The following RMND1 variants were observed in gnomAD, a reference collection of about 807,000 sequenced individuals.
The protein encoded by RMND1 is required for meiotic nuclear division protein 1 homolog.
RMND1 carries 41 observed loss-of-function variants against 54.0 expected under a neutral mutation model. The ratio of observed to expected loss-of-function variants is 0.76; its 90% CI spans 0.59 to 0.98. RMND1 has a LOEUF of 0.98. Among genes scored for constraint, RMND1 ranks in the 50% least tolerant of loss-of-function variants. The pLI is 0.00. For missense variants in RMND1, 457 were observed against 532.0 expected (o/e 0.86, Z 1.39); for synonymous variants, 183 against 181.7 (o/e 1.01, Z -0.06).
intron 10 of RMND1, chr6:151,408,960 G>T (rs1295810659): frequency 6.6e-6 from 1 of 152,298 alleles, no homozygotes; most frequent in African/African-American, 2.4e-5. Context: ...AGCATGTCAT[G>T]CTAGAATATC....
chr6:151,450,672 T>C (rs931403914), intron 1 of RMND1, among the ~76,000 whole-genome samples: 1 of 150,002 alleles, frequency 6.7e-6, no homozygotes, highest in Non-Finnish European at 1.5e-5. Flanking sequence ...GGAGCCCCTC[T>C]GCCCGGCCAC....
rs145435976 is a variant in RMND1, at chr6:151,423,707, T to C, written c.831-76A>G. 1.5e-4 allele frequency: 149 copies of C among 979,554 alleles called. No homozygotes were observed. In the African/African-American group the frequency reaches 2.2e-3, roughly 14 times the overall value. 60.7% of individuals were successfully genotyped at this position (979,554 alleles called of 1,614,324 possible). On this transcript the variant is annotated intron_variant, in intron 6 of 11. Transcript: ENST00000444024. ...CTTTTCCTTTGAAAAAGACACCATATCATCTTTCTGGAGGTCATTTTGACA... is the reference window on the plus strand; with the variant it reads ...CTTTTCCTTTGAAAAAGACACCATACCATCTTTCTGGAGGTCATTTTGACA...
At chr6:151,407,758 A>T (rs1779676198) in intron 10 of RMND1, among the ~76,000 whole-genome samples, 2 of 152,008 alleles carry the variant, frequency 1.3e-5, no homozygotes, top group African/African-American at 2.4e-5. Context: ...ATACAAAAAA[A>T]TTATCCGGGT....
intron 10 of RMND1, among the ~76,000 whole-genome samples, chr6:151,413,241 A>T (rs1381114226): frequency 6.6e-6 from 1 of 152,188 alleles, no homozygotes; most frequent in Non-Finnish European, 1.5e-5. Context: ...CTTAAATAGT[A>T]AGTGGTGTTT....
At chr6:151,424,230 G>A (rs1780230971) in intron 6 of RMND1, among the ~76,000 whole-genome samples, 2 of 152,052 alleles carry the variant, frequency 1.3e-5, no homozygotes, top group African/African-American at 4.8e-5. Flanking sequence ...GGAGGCCGAG[G>A]CAGGTGGATC....
chr6:151,417,417 A>T lies in RMND1; in HGVS notation c.1080-18T>A. 6.6e-7 allele frequency: 1 copy of T among 1,519,880 alleles called. No individual in the cohort carries two copies. Among genetic ancestry groups the T allele is most frequent in the Non-Finnish European group, 9.0e-7 (1 of 1,116,536 alleles). The allele number at this position is 1,519,880 out of a possible 1,614,324, so 94.1% of individuals were successfully genotyped here. A position where few individuals can be genotyped will look rare whatever the true frequency, so the allele number is the denominator to read the frequency against. On this transcript the variant is annotated intron_variant, in intron 9 of 11. Transcript: ENST00000444024. Reference sequence around the variant, plus strand: ...TACGGTGCCTTTAAAAAGGAAAATTATAACTTTTTATTTATCTTGAATTAA... The same window carrying T: ...TACGGTGCCTTTAAAAAGGAAAATTTTAACTTTTTATTTATCTTGAATTAA...
chr6:151,447,282 T>C (rs1780983097), intron 1 of RMND1, among the ~76,000 whole-genome samples: 1 of 152,126 alleles, frequency 6.6e-6, no homozygotes, highest in South Asian at 2.1e-4. Context: ...GGGAGAAAGC[T>C]GAGCTTTTAA....
chr6:151,430,154 T>C lies in RMND1; in HGVS notation c.713A>G (p.Asn238Ser), dbSNP rs144972972. 573 of 1,602,290 alleles carry C rather than the reference T, an allele frequency of 3.6e-4. No individual in the cohort carries two copies. The highest frequency in any genetic ancestry group is 4.4e-4 in the Non-Finnish European group (510 of 1,171,088). The stretch of plus-strand genomic sequence containing the variant: ...TACACTTACAGTTTTGTCTTTCACA[T>C]TCCAAAACACAGCAGCTCCTTCCCT... ...FFREGAAVFW[N>S]VKDKTMKHVM... The change falls in exon 5 of 12, where the codon AAT becomes AGT. Residue 238 changes from asparagine (N) to serine (S), a missense_variant. Transcript: ENST00000444024.
chr6:151,433,063 T>C, intron 4 of RMND1, 92 bp downstream of exon 4: 1 of 679,226 alleles, frequency 1.5e-6, no homozygotes, highest in Non-Finnish European at 2.6e-6. Context: ...TGAACACATT[T>C]ACTGTTAAGA....
chr6:151,410,276 G>T (rs150479842), intron 10 of RMND1, among the ~76,000 whole-genome samples: 8 of 152,084 alleles, frequency 5.3e-5, no homozygotes, highest in South Asian at 2.1e-4. Flanking sequence ...AGGATGGTCT[G>T]GATCTCCTGA....
chr6:151,436,826 G>A (rs980846865), intron 2 of RMND1: 1 of 315,764 alleles, frequency 3.2e-6, no homozygotes, highest in Non-Finnish European at 6.0e-6. Context: ...CACTCAACTG[G>A]TAGTATCTCA....
chr6:151,415,858 A>G (rs1779990071), intron 10 of RMND1, among the ~76,000 whole-genome samples: 1 of 151,970 alleles, frequency 6.6e-6, no homozygotes, highest in Non-Finnish European at 1.5e-5. Flanking sequence ...CAAAATGACA[A>G]AATTATGGAG....
chr6:151,451,696 T>C (rs1306486000), intron 1 of RMND1, among the ~76,000 whole-genome samples: 1 of 152,158 alleles, frequency 6.6e-6, no homozygotes, highest in Non-Finnish European at 1.5e-5. Flanking sequence ...ATTACACCAA[T>C]TAAGAAAATC....
rs1174483398 is a variant in RMND1, at chr6:151,445,506, A to C, written c.306T>G (p.Gly102=). 1.2e-6 allele frequency: 2 copies of C among 1,614,056 alleles called. No homozygotes were observed. Among genetic ancestry groups the C allele is most frequent in the Non-Finnish European group, 1.7e-6 (2 of 1,179,976 alleles). The part of the protein sequence containing the change: ...KAHLPTMKSF[G]THRRVTHKPN... ...GTTTGTGGGTCACTCTCCTGTGAGTACCAAAGGATTTCATGGTTGGAAGGT... is the reference window on the plus strand; with the variant it reads ...GTTTGTGGGTCACTCTCCTGTGAGTCCCAAAGGATTTCATGGTTGGAAGGT... Residue 102 remains glycine (G), a synonymous_variant, in exon 2 of 12, where the codon GGT becomes GGG. Transcript: ENST00000444024.
chr6:151,446,987 A>T (rs1187512331), intron 1 of RMND1, among the ~76,000 whole-genome samples: 1 of 152,176 alleles, frequency 6.6e-6, no homozygotes, highest in African/African-American at 2.4e-5. Context: ...TGAATCAATG[A>T]TCTCAGAATT....
chr6:151,417,241 C>T lies in RMND1; in HGVS notation c.1200+38G>A, dbSNP rs60573826. 33,097 of 1,575,906 alleles carry T rather than the reference C, an allele frequency of 0.021. 2,856 individuals carry two copies. The African/African-American group carries it at 0.27, about 13-fold the overall frequency. On this transcript the variant is annotated intron_variant, in intron 10 of 11. Coordinates refer to ENST00000444024, the MANE Select transcript of RMND1 (RefSeq NM_017909.4). ...AACATATTCAACTTATAGGCGACAA[C>T]GTGTCTTTTTCTCTCATTAGAAGTG...
chr6:151,428,334 G>A (rs921129824), intron 5 of RMND1, among the ~76,000 whole-genome samples: 1 of 152,050 alleles, frequency 6.6e-6, no homozygotes, highest in African/African-American at 2.4e-5. Flanking sequence ...ATCATATTAT[G>A]CACATGACAT....
chr6:151,417,063 C>T, intron 10 of RMND1: 1 of 409,944 alleles, frequency 2.4e-6, no homozygotes, highest in Admixed American at 4.1e-5. Flanking sequence ...CTTCCAAACT[C>T]TCATCTTATT....
intron 9 of RMND1, chr6:151,418,418 A>T (rs1453493985): frequency 2.1e-5 from 2 of 93,390 alleles, no homozygotes; most frequent in South Asian, 2.9e-4. Flanking sequence ...CATCTCAAAT[A>T]AAAAAAAAAT....
Sources: gnomAD v4.1 joint callset for allele counts (sites outside exome capture counted in the v4.1 genomes callset) on GRCh38, gnomAD v4.1.1 for gene constraint, MANE v1.5 for transcripts, NCBI Gene and HGNC (gene_info 2026-07-23, HGNC 2026-07-21) for gene names.